Variants in HDAC9 observed in about 807,000 individuals in gnomAD.
The protein encoded by HDAC9 is MEF-2 interacting transcription repressor (MITR) protein.
In HDAC9, 41 loss-of-function variants were observed where a neutral mutation model predicts 139.4. That is an observed-to-expected ratio of 0.29 (90% CI 0.23 to 0.38). The LOEUF is 0.38. Ranked by LOEUF, HDAC9 falls within the 10% of genes least tolerant of loss-of-function variation. The probability of loss-of-function intolerance (pLI) is 1.00; values close to 1 mark genes in which losing one functional copy is unlikely to be tolerated. For missense variants in HDAC9, 1,147 were observed against 1,297.0 expected (o/e 0.88, Z 1.78); for synonymous variants, 517 against 476.2 (o/e 1.09, Z -1.12).
intron 1 of HDAC9, among the ~76,000 whole-genome samples, chr7:18,324,384 G>A (rs1251601865): frequency 6.6e-6 from 1 of 152,134 alleles, no homozygotes; most frequent in Non-Finnish European, 1.5e-5. Context: ...CAATTTTCCT[G>A]TCTCTGAAAT....
At chr7:18,275,316 T>A (rs1796646082) in intron 2 of HDAC9, among the ~76,000 whole-genome samples, 1 of 152,176 alleles carries the variant, frequency 6.6e-6, no homozygotes, top group Non-Finnish European at 1.5e-5. Context: ...ATCACCACAA[T>A]CTTTTGCTTA....
At chr7:18,825,365 G>T (rs1487857055) in intron 17 of HDAC9, among the ~76,000 whole-genome samples, 2 of 152,104 alleles carry the variant, frequency 1.3e-5, no homozygotes, top group Non-Finnish European at 1.5e-5. Flanking sequence ...GGGAAAAGTA[G>T]AGGAAAACCA....
chr7:18,199,791 G>A (rs1038469293), intron 2 of HDAC9, among the ~76,000 whole-genome samples: 1 of 143,020 alleles, frequency 7.0e-6, no homozygotes, highest in Non-Finnish European at 1.5e-5. Flanking sequence ...GCTGTGCTTA[G>A]TGTTGCACAT....
intron 2 of HDAC9, among the ~76,000 whole-genome samples, chr7:18,517,290 C>G (rs554634994): frequency 3.9e-5 from 6 of 152,104 alleles, no homozygotes; most frequent in Non-Finnish European, 8.8e-5. Flanking sequence ...TTCTTACAAA[C>G]GATAAAAGTT....
At chr7:18,937,228 C>T (rs574202449) in intron 23 of HDAC9, among the ~76,000 whole-genome samples, 46 of 151,686 alleles carry the variant, frequency 3.0e-4, no homozygotes, top group Admixed American at 2.0e-4. Flanking sequence ...TTAGTAGAGA[C>T]GGGGTTTCAC....
intron 1 of HDAC9, among the ~76,000 whole-genome samples, chr7:18,347,504 C>G (rs1056489383): frequency 5.9e-5 from 9 of 152,206 alleles, no homozygotes; most frequent in African/African-American, 2.2e-4. Context: ...AAAACAACAA[C>G]TCCCATGTAA....
intron 13 of HDAC9, among the ~76,000 whole-genome samples, chr7:18,734,855 A>C (rs1396704382): frequency 2.0e-5 from 3 of 152,216 alleles, no homozygotes; most frequent in Non-Finnish European, 4.4e-5. Flanking sequence ...TCCCACCAAC[A>C]GTGTAAAAGC....
At chr7:18,616,937 A>AAAAATG in intron 6 of HDAC9, among the ~76,000 whole-genome samples, 1 of 152,332 alleles carries the variant, frequency 6.6e-6, no homozygotes, top group South Asian at 2.1e-4. Flanking sequence ...AACAGTAATT[A>AAAAATG]GACGTTTAAA....
At chr7:18,208,372 CT>C (rs71553923) in intron 2 of HDAC9, among the ~76,000 whole-genome samples, 118 of 130,508 alleles carry the variant, frequency 9.0e-4, no homozygotes, top group Admixed American at 1.1e-3. Flanking sequence ...CTGAGAGTAT[CT>C]TTTTTTTTTT....
At chr7:18,610,759 A>C (rs749329580) in intron 6 of HDAC9, among the ~76,000 whole-genome samples, 3 of 152,196 alleles carry the variant, frequency 2.0e-5, no homozygotes, top group Non-Finnish European at 2.9e-5. Flanking sequence ...ACTTCAACTC[A>C]AAGGAAACTT....
At chr7:18,975,712 C>G in intron 24 of HDAC9, 94 bp from the exon 25 acceptor site, 2 of 1,221,398 alleles carry the variant, frequency 1.6e-6, no homozygotes, top group Non-Finnish European at 2.3e-6. Context: ...GGAATTTTAA[C>G]TTAACAACTG....
chr7:18,484,449 T>G (rs1795820868), intron 1 of HDAC9, among the ~76,000 whole-genome samples: 1 of 152,190 alleles, frequency 6.6e-6, no homozygotes, highest in Non-Finnish European at 1.5e-5. Flanking sequence ...TAAGTTTTTT[T>G]GTTCATGTAA....
intron 2 of HDAC9, among the ~76,000 whole-genome samples, chr7:18,574,512 C>A (rs1024493892): frequency 6.6e-6 from 1 of 152,210 alleles, no homozygotes; most frequent in Non-Finnish European, 1.5e-5. Flanking sequence ...AGGATTTTGG[C>A]TGTCCCTGGC....
At chr7:18,166,359 A>C (rs952581783) in intron 2 of HDAC9, among the ~76,000 whole-genome samples, 1 of 152,218 alleles carries the variant, frequency 6.6e-6, no homozygotes, top group African/African-American at 2.4e-5. Flanking sequence ...TATTTATAGA[A>C]GTGAAAGGTT....
At chr7:18,859,904 T>C (rs905551210) in intron 21 of HDAC9, among the ~76,000 whole-genome samples, 3 of 142,690 alleles carry the variant, frequency 2.1e-5, no homozygotes, top group Non-Finnish European at 3.1e-5. Flanking sequence ...TTTATTGGAA[T>C]ACTGAATTTA....
intron 1 of HDAC9, among the ~76,000 whole-genome samples, chr7:18,322,399 A>T (rs1001217636): frequency 6.6e-6 from 1 of 152,182 alleles, no homozygotes; most frequent in African/African-American, 2.4e-5. Context: ...GTGGATTACC[A>T]TATCAGATAT....
At position 18,813,166 on chromosome 7, in the gene HDAC9, C is replaced by T. The variant is rs117713361; in HGVS notation, c.2323-15995C>T. ...TTATTTTTCACTTGATTATGAGTCTCTTTTTTCTGCTTCTTTGCCTGTCTT... is the reference window on the plus strand; with the variant it reads ...TTATTTTTCACTTGATTATGAGTCTTTTTTTTCTGCTTCTTTGCCTGTCTT... On this transcript the variant is annotated intron_variant, in intron 17 of 25. Transcript: ENST00000686413. 3.9e-4 allele frequency among the ~76,000 whole-genome samples: 60 copies of T among 152,054 alleles called. No individual in the cohort carries two copies. The East Asian group carries it at 0.011, about 27-fold the overall frequency.
intron 12 of HDAC9, among the ~76,000 whole-genome samples, chr7:18,681,518 A>G (rs1047958184): frequency 2.0e-5 from 3 of 152,082 alleles, no homozygotes; most frequent in Non-Finnish European, 2.9e-5. Context: ...TTGAAAATAT[A>G]TGCTACAGTA....
chr7:18,519,806 C>A (rs1804432908), intron 2 of HDAC9, among the ~76,000 whole-genome samples: 1 of 151,944 alleles, frequency 6.6e-6, no homozygotes. Context: ...TATTTATCAG[C>A]AGTTTTATTT....
Sources: gnomAD v4.1 joint callset for allele counts (sites outside exome capture counted in the v4.1 genomes callset) on GRCh38, gnomAD v4.1.1 for gene constraint, MANE v1.5 for transcripts, NCBI Gene and HGNC (gene_info 2026-07-23, HGNC 2026-07-21) for gene names.